NWD2: variants seen among roughly 807,000 people sequenced by gnomAD.
The protein encoded by NWD2 is NACHT and WD repeat domain-containing protein 2.
A neutral mutation model predicts 132.7 loss-of-function variants in NWD2; 37 were observed. That is an observed-to-expected ratio of 0.28 (90% CI 0.21 to 0.37). The LOEUF (loss-of-function observed/expected upper bound fraction) is 0.37, where lower values mean the gene tolerates loss of function less well. NWD2 is among the 10% of genes least tolerant of loss of function. The pLI is 1.00. For synonymous variants in NWD2, 705 were observed against 803.0 expected (o/e 0.88, Z 2.06); for missense variants, 1,592 against 2,122.4 (o/e 0.75, Z 4.91).
At chr4:37,330,557 A>G (rs1719271579) in intron 2 of NWD2, among the ~76,000 whole-genome samples, 2 of 152,180 alleles carry the variant, frequency 1.3e-5, no homozygotes, top group African/African-American at 4.8e-5. Flanking sequence ...CTCCATCCCC[A>G]TTGCCGAGGT....
At chr4:37,403,200 T>C (rs1467323254) in intron 3 of NWD2, among the ~76,000 whole-genome samples, 1 of 152,186 alleles carries the variant, frequency 6.6e-6, no homozygotes, top group Non-Finnish European at 1.5e-5. Flanking sequence ...GAGAATGCAG[T>C]GATGAGCGAG....
At chr4:37,365,959 A>G (rs1042049625) in intron 3 of NWD2, among the ~76,000 whole-genome samples, 7 of 152,246 alleles carry the variant, frequency 4.6e-5, no homozygotes, top group Non-Finnish European at 1.0e-4. Context: ...TAGGCCAGCA[A>G]CAACTTTTTA....
At chr4:37,369,261 A>C (rs1356551241) in intron 3 of NWD2, among the ~76,000 whole-genome samples, 2 of 151,766 alleles carry the variant, frequency 1.3e-5, no homozygotes, top group African/African-American at 4.9e-5. Context: ...TGTTTCTTAC[A>C]ATCTGTTTGA....
intron 3 of NWD2, among the ~76,000 whole-genome samples, chr4:37,396,892 G>A (rs1310040997): frequency 1.3e-5 from 2 of 152,164 alleles, no homozygotes; most frequent in Admixed American, 6.5e-5. Flanking sequence ...AATTAGCCGG[G>A]TGTGGTGGTG....
At chr4:37,263,612 A>G (rs1269620317) in intron 1 of NWD2, among the ~76,000 whole-genome samples, 1 of 152,100 alleles carries the variant, frequency 6.6e-6, no homozygotes, top group Non-Finnish European at 1.5e-5. Context: ...GGCATTTAGC[A>G]CTCTGCCTGG....
intron 3 of NWD2, among the ~76,000 whole-genome samples, chr4:37,392,299 C>T (rs947463142): frequency 2.0e-5 from 3 of 152,134 alleles, no homozygotes; most frequent in East Asian, 3.9e-4. Context: ...CTGATACGCT[C>T]CCATCAAAAC....
rs78460153 is a variant in NWD2, at chr4:37,433,455, C to T, written c.562-421C>T. Among the ~76,000 whole-genome samples, 15 of 152,044 alleles carry T rather than the reference C, an allele frequency of 9.9e-5. No individual in the cohort carries two copies. In the East Asian group the frequency reaches 2.9e-3, roughly 29 times the overall value. ...AAATGTTACTTTATTGGTAGGCAGT[C>T]CTCCCATTTTATCTCCCAGTGGACC... On this transcript the variant is annotated intron_variant, in intron 4 of 6. Transcript: ENST00000309447.
intron 3 of NWD2, among the ~76,000 whole-genome samples, chr4:37,424,589 C>T (rs1711938505): frequency 6.6e-6 from 1 of 152,178 alleles, no homozygotes; most frequent in Non-Finnish European, 1.5e-5. Flanking sequence ...GAGAATAGGG[C>T]ATTTAAAGAG....
chr4:37,347,442 G>A (rs2109297184), intron 2 of NWD2, among the ~76,000 whole-genome samples: 1 of 151,932 alleles, frequency 6.6e-6, no homozygotes, highest in Non-Finnish European at 1.5e-5. Context: ...TCTGTTTACA[G>A]TTTATACCAA....
In NWD2 at chr4:37,444,532, T is replaced by C. The variant is rs779886180; in HGVS notation, c.2544T>C (p.Asp848=). The change falls in exon 7 of 7, where the codon GAT becomes GAC. Residue 848 remains aspartate (D), a synonymous_variant. Coordinates refer to ENST00000309447, the MANE Select transcript of NWD2 (RefSeq NM_001144990.2). The surrounding 1 kb of genome is among the most constrained non-coding windows in gnomAD (Gnocchi z 4.8). Reference sequence around the variant, plus strand: ...ACTTGACGAGGTGTGGAAAAACCGATGACCTGCTTTACGGCATCATCATGA... The same window carrying C: ...ACTTGACGAGGTGTGGAAAAACCGACGACCTGCTTTACGGCATCATCATGA... ...LYHLTRCGKT[D]DLLYGIIMNF... is the part of the protein sequence containing the mutation. 6.4e-7 allele frequency: 1 copy of C among 1,551,806 alleles called. No individual in the cohort carries two copies. The highest frequency in any genetic ancestry group is 1.2e-5 in the South Asian group (1 of 84,050).
At chr4:37,253,692 T>C (rs557354479) in intron 1 of NWD2, among the ~76,000 whole-genome samples, 1 of 152,302 alleles carries the variant, frequency 6.6e-6, no homozygotes, top group South Asian at 2.1e-4. Flanking sequence ...TCAGAATACA[T>C]CCGTAAGGTA....
At chr4:37,426,340 CA>C (rs1046349205) in intron 3 of NWD2, among the ~76,000 whole-genome samples, 2 of 152,092 alleles carry the variant, frequency 1.3e-5, no homozygotes, top group African/African-American at 4.8e-5. Context: ...GAGAACAATC[CA>C]ATAAGTAACT....
chr4:37,382,619 T>G (rs1042938434), intron 3 of NWD2, among the ~76,000 whole-genome samples: 1 of 152,178 alleles, frequency 6.6e-6, no homozygotes, highest in African/African-American at 2.4e-5. Flanking sequence ...CAGTGAGGAA[T>G]GATTTTCACT....
chr4:37,423,556 T>C (rs1229980892), intron 3 of NWD2, among the ~76,000 whole-genome samples: 1 of 152,114 alleles, frequency 6.6e-6, no homozygotes, highest in Non-Finnish European at 1.5e-5. Flanking sequence ...GAGCGGAAGA[T>C]CAATATCTCA....
intron 3 of NWD2, among the ~76,000 whole-genome samples, chr4:37,423,876 G>T (rs1711900830): frequency 6.6e-6 from 1 of 152,118 alleles, no homozygotes; most frequent in Non-Finnish European, 1.5e-5. Context: ...TAATTGACTT[G>T]TAATTTACTT....
chr4:37,411,678 C>CA (rs1355115515), intron 3 of NWD2, among the ~76,000 whole-genome samples: 1 of 151,916 alleles, frequency 6.6e-6, no homozygotes, highest in East Asian at 1.9e-4. Context: ...AGAGACACAA[C>CA]AAAAAAAGAA....
intron 2 of NWD2, among the ~76,000 whole-genome samples, chr4:37,332,396 C>T (rs1719312659): frequency 6.6e-6 from 1 of 151,672 alleles, no homozygotes; most frequent in Admixed American, 6.6e-5. Context: ...CCATTCCAGG[C>T]CCTAGCTCCC....
At chr4:37,365,932 T>A (rs927171564) in intron 3 of NWD2, among the ~76,000 whole-genome samples, 1 of 152,198 alleles carries the variant, frequency 6.6e-6, no homozygotes, top group African/African-American at 2.4e-5. Context: ...ATAGCTGTAG[T>A]CCAAAGGACT....
chr4:37,267,730 G>A (rs1717785818), intron 1 of NWD2, among the ~76,000 whole-genome samples: 1 of 151,850 alleles, frequency 6.6e-6, no homozygotes, highest in African/African-American at 2.4e-5. Flanking sequence ...CTTACTATAT[G>A]CCAGGAATTA....
Sources: gnomAD v4.1 joint callset for allele counts (sites outside exome capture counted in the v4.1 genomes callset) on GRCh38, gnomAD v4.1.1 for gene constraint, Gnocchi (gnomAD v3.1) non-coding constraint, MANE v1.5 for transcripts, NCBI Gene and HGNC (gene_info 2026-07-23, HGNC 2026-07-21) for gene names.